The following ARL15 variants were observed in gnomAD, a reference collection of about 807,000 sequenced individuals.
The protein encoded by ARL15 is ARF like GTPase 15, also known as ADP-ribosylation factor-like protein 15.
A neutral mutation model predicts 25.2 loss-of-function variants in ARL15; 19 were observed. That is an observed-to-expected ratio of 0.75 (90% CI 0.53 to 1.10). The LOEUF is 1.10. ARL15 is among the 50% of genes least tolerant of loss of function. The pLI, the probability that ARL15 is intolerant of heterozygous loss-of-function variation, is 0.00. For missense variants in ARL15, 220 were observed against 246.0 expected, an observed-to-expected ratio of 0.89 and a Z score of 0.71; for synonymous variants, 94 against 86.8, an observed-to-expected ratio of 1.08 and a Z score of -0.46.
At chr5:54,025,896 T>C (rs927601046) in intron 4 of ARL15, among the ~76,000 whole-genome samples, 7 of 152,332 alleles carry the variant, frequency 4.6e-5, no homozygotes, top group East Asian at 3.9e-4. Flanking sequence ...GGTATTGTTA[T>C]TTCTTAAGGT....
At chr5:54,269,081 GT>G (rs1484816717) in intron 1 of ARL15, among the ~76,000 whole-genome samples, 2 of 151,620 alleles carry the variant, frequency 1.3e-5, no homozygotes, top group Non-Finnish European at 2.9e-5. Flanking sequence ...TGGGGTAGGG[GT>G]GGGGGGTAGG....
intron 4 of ARL15, among the ~76,000 whole-genome samples, chr5:54,022,127 A>G (rs1051129762): frequency 9.9e-5 from 15 of 152,192 alleles, no homozygotes; most frequent in Non-Finnish European, 2.2e-4. Flanking sequence ...GACCTACCCT[A>G]AAGAAATGGC....
At chr5:53,950,273 A>G (rs1018224611) in intron 4 of ARL15, among the ~76,000 whole-genome samples, 1 of 140,806 alleles carries the variant, frequency 7.1e-6, no homozygotes, top group African/African-American at 2.7e-5. Flanking sequence ...TACAAAAATT[A>G]AAAAAAAAAA....
chr5:54,240,084 G>A (rs539994310), intron 1 of ARL15, among the ~76,000 whole-genome samples: 4 of 151,872 alleles, frequency 2.6e-5, no homozygotes, highest in African/African-American at 7.3e-5. Flanking sequence ...AAAATTAGCC[G>A]GGTGTGGTGG....
intron 1 of ARL15, among the ~76,000 whole-genome samples, chr5:54,275,727 C>G (rs1757911275): frequency 6.6e-6 from 1 of 151,638 alleles, no homozygotes; most frequent in Non-Finnish European, 1.5e-5. Context: ...CTCTGTCACC[C>G]AGACTGGAGT....
intron 4 of ARL15, among the ~76,000 whole-genome samples, chr5:54,016,378 A>G (rs1749429725): frequency 6.6e-6 from 1 of 152,216 alleles, no homozygotes; most frequent in Admixed American, 6.5e-5. Context: ...AGTGCAGGAC[A>G]GGTTCCTCTT....
chr5:54,225,730 T>C (rs1756500274), intron 1 of ARL15, among the ~76,000 whole-genome samples: 1 of 151,894 alleles, frequency 6.6e-6, no homozygotes, highest in South Asian at 2.1e-4. Flanking sequence ...GTGCCCAAAG[T>C]GAGGAGGCTG....
chr5:53,925,741 G>A lies in ARL15; in HGVS notation c.463-39028C>T, dbSNP rs563211424. ...GAAGATTGCTGAAGCCTAGGAATTCGAGGTTGCAGTGAGCACCGATCACAC... is the reference window on the plus strand; with the variant it reads ...GAAGATTGCTGAAGCCTAGGAATTCAAGGTTGCAGTGAGCACCGATCACAC... On this transcript the variant is annotated intron_variant, in intron 4 of 4. Transcript: ENST00000504924. Among the ~76,000 whole-genome samples, 307 of 152,182 alleles carry A rather than the reference G, an allele frequency of 2.0e-3. 1 individual carries two copies. The highest frequency in any genetic ancestry group is 7.2e-3 in the African/African-American group (299 of 41,528).
intron 4 of ARL15, among the ~76,000 whole-genome samples, chr5:54,041,841 G>T (rs1233377464): frequency 2.6e-5 from 4 of 152,218 alleles, no homozygotes; most frequent in Non-Finnish European, 5.9e-5. Flanking sequence ...AAAAGGCGGA[G>T]CAAGGATTTG....
intron 4 of ARL15, among the ~76,000 whole-genome samples, chr5:53,955,546 C>G (rs1470480856): frequency 6.6e-6 from 1 of 152,068 alleles, no homozygotes; most frequent in Non-Finnish European, 1.5e-5. Flanking sequence ...TCCAAGTGCC[C>G]CATCTCCCAA....
rs540181119 is a variant in ARL15 at position 54,214,533 on chromosome 5, T to C, written c.49-42605A>G. 3.9e-5 allele frequency among the ~76,000 whole-genome samples: 6 copies of C among 152,168 alleles called. No individual in the cohort carries two copies. The South Asian group carries it at 1.2e-3, about 32-fold the overall frequency. ...ATTTGTCATTTGCACCAACATACAA[T>C]AGGAAAACACATTTTCCGACATGCC... is the stretch of plus-strand genomic sequence containing the variant. On this transcript the variant is annotated intron_variant, in intron 1 of 4. Coordinates refer to ENST00000504924, the MANE Select transcript of ARL15 (RefSeq NM_019087.3).
intron 1 of ARL15, among the ~76,000 whole-genome samples, chr5:54,305,012 T>TAA (rs1758719723): frequency 6.6e-6 from 1 of 152,184 alleles, no homozygotes; most frequent in Non-Finnish European, 1.5e-5. Flanking sequence ...GTTGGTTAGT[T>TAA]AGCTGGTTTT....
chr5:54,305,018 G>T (rs1041915695), intron 1 of ARL15, among the ~76,000 whole-genome samples: 8 of 152,048 alleles, frequency 5.3e-5, no homozygotes, highest in African/African-American at 1.9e-4. Flanking sequence ...TAGTTAGCTG[G>T]TTTTTATCCT....
At chr5:54,273,865 G>A (rs545698611) in intron 1 of ARL15, among the ~76,000 whole-genome samples, 4 of 152,272 alleles carry the variant, frequency 2.6e-5, no homozygotes, top group East Asian at 1.9e-4. Flanking sequence ...GACTAACATC[G>A]TCACGTCCTC....
intron 2 of ARL15, among the ~76,000 whole-genome samples, chr5:54,166,979 G>A (rs1191188350): frequency 6.6e-6 from 1 of 152,116 alleles, no homozygotes; most frequent in African/African-American, 2.4e-5. Flanking sequence ...ACAACCATCT[G>A]AGGTTTTGGG....
intron 4 of ARL15, among the ~76,000 whole-genome samples, chr5:54,107,558 G>A (rs1256002152): frequency 3.9e-5 from 6 of 152,102 alleles, no homozygotes; most frequent in Admixed American, 1.3e-4. Flanking sequence ...ATCTAGGGGT[G>A]TAAACTATTA....
intron 4 of ARL15, among the ~76,000 whole-genome samples, chr5:53,965,016 T>C (rs1166898208): frequency 6.6e-6 from 1 of 152,200 alleles, no homozygotes; most frequent in Non-Finnish European, 1.5e-5. Context: ...GCCTGCCAAT[T>C]TGCAAAACAT....
At chr5:54,203,339 C>T (rs1755773722) in intron 1 of ARL15, among the ~76,000 whole-genome samples, 1 of 152,064 alleles carries the variant, frequency 6.6e-6, no homozygotes, top group Admixed American at 6.6e-5. Context: ...GGTCACTTAC[C>T]ATTAACATTA....
intron 2 of ARL15, among the ~76,000 whole-genome samples, chr5:54,163,619 TTGAG>T (rs1754486084): frequency 6.6e-6 from 1 of 151,870 alleles, no homozygotes; most frequent in Non-Finnish European, 1.5e-5. Flanking sequence ...CTATTTCTTC[TTGAG>T]TGAGATTTGA....
Sources: gnomAD v4.1 joint callset for allele counts (sites outside exome capture counted in the v4.1 genomes callset) on GRCh38, gnomAD v4.1.1 for gene constraint, MANE v1.5 for transcripts, NCBI Gene and HGNC (gene_info 2026-07-23, HGNC 2026-07-21) for gene names.